The following PCNT variants were observed in gnomAD, a reference collection of about 807,000 sequenced individuals.
The protein encoded by PCNT is kendrin.
In PCNT, 319 loss-of-function variants were observed where a neutral mutation model predicts 380.4. That is an observed-to-expected ratio of 0.84 (90% CI 0.77 to 0.92). The LOEUF is 0.92. Among genes scored for constraint, PCNT ranks in the 40% least tolerant of loss-of-function variants. The pLI is 0.00. For missense variants in PCNT, 4,400 were observed against 4,255.3 expected (o/e 1.03, Z -0.95); for synonymous variants, 1,845 against 1,735.2 (o/e 1.06, Z -1.57).
chr21:46,325,254 G>A lies in PCNT; in HGVS notation c.54+972G>A, dbSNP rs950585200. 21 of 954,312 alleles carry A rather than the reference G, an allele frequency of 2.2e-5. No individual in the cohort carries two copies. In the African/African-American group the frequency reaches 3.7e-4, roughly 17 times the overall value. The allele number at this position is 954,312 out of a possible 1,614,324, so 59.1% of individuals were successfully genotyped here. A position where few individuals can be genotyped will look rare whatever the true frequency, so the allele number is the denominator to read the frequency against. On this transcript the variant is annotated intron_variant, in intron 1 of 46. Transcript: ENST00000359568. ...CAGGATGTTCTGGCTGGGGTGCTGG[G>A]GAAGAGCGGGGCTCCCGGGCACGGC...
intron 13 of PCNT, among the ~76,000 whole-genome samples, 173 bp downstream of exon 13, chr21:46,357,364 C>T (rs768179119): frequency 7.2e-5 from 11 of 152,220 alleles, no homozygotes; most frequent in African/African-American, 9.7e-5. Flanking sequence ...CCTGGCAATG[C>T]CAGTAGTGGG....
At chr21:46,324,629 T>C (rs1196374096) in intron 1 of PCNT, among the ~76,000 whole-genome samples, 1 of 150,750 alleles carries the variant, frequency 6.6e-6, no homozygotes, top group African/African-American at 2.4e-5. Flanking sequence ...AGGGCGGGGC[T>C]ACAGGGGCGT....
chr21:46,382,864 A>ACAG (rs2085627252), intron 16 of PCNT, among the ~76,000 whole-genome samples: 1 of 127,270 alleles, frequency 7.9e-6, no homozygotes, highest in African/African-American at 3.8e-5. Flanking sequence ...AAGCCCATTC[A>ACAG]TGGTGTTGTG....
In PCNT at chr21:46,389,288, G is replaced by A; in HGVS notation, c.3697G>A (p.Glu1233Lys). The change falls in exon 19 of 47, where the codon GAA (glutamate) becomes AAA (lysine). Residue 1233 changes from glutamate to lysine, a missense_variant. Coordinates refer to ENST00000359568, the MANE Select transcript of PCNT (RefSeq NM_006031.6). ...ATGTGCAGAGATGTCTTCCGTGGCT[G>A]AAATTAGCAGCCACATGCGTGAAAG... ...SECAEMSSVA[E>K]ISSHMRESFL... The A allele has an allele frequency of 6.2e-7, 1 of 1,614,266 alleles. No individual in the cohort carries two copies. The highest frequency in any genetic ancestry group is 8.5e-7 in the Non-Finnish European group (1 of 1,180,050).
intron 14 of PCNT, among the ~76,000 whole-genome samples, chr21:46,364,616 T>C (rs1601847367): frequency 6.6e-6 from 1 of 152,364 alleles, no homozygotes; most frequent in East Asian, 1.9e-4. Flanking sequence ...TTCTGAAACA[T>C]ACACACTCTT....
chr21:46,334,221 A>G (rs928909820), intron 2 of PCNT, among the ~76,000 whole-genome samples, 176 bp from the exon 3 acceptor site: 6 of 150,030 alleles, frequency 4.0e-5, no homozygotes, highest in South Asian at 2.1e-4. Context: ...AAAAAAAAAA[A>G]TGTTTAGAGC....
chr21:46,371,737 T>G (rs2085133815), intron 15 of PCNT, among the ~76,000 whole-genome samples: 1 of 152,120 alleles, frequency 6.6e-6, no homozygotes, highest in Non-Finnish European at 1.5e-5. Flanking sequence ...ACCTGCCCCA[T>G]CCAGGCGCCA....
intron 43 of PCNT, among the ~76,000 whole-genome samples, chr21:46,441,777 A>G (rs2053613632): frequency 1.3e-5 from 2 of 151,610 alleles, no homozygotes; most frequent in Admixed American, 6.6e-5. Context: ...CCCAGATCCT[A>G]CCTCCTGTCG....
At position 46,363,503 on chromosome 21, in the gene PCNT, C is replaced by T. The variant is rs148495760; in HGVS notation, c.2178C>T (p.Asp726=). The change falls in exon 14 of 47, where the codon GAC becomes GAT. Residue 726 remains aspartate (D), a synonymous_variant. Transcript: ENST00000359568. ...LEKVKHNLIE[D]HQKELNNAKQ... is the part of the protein sequence containing the mutation. ...AGGTAAAACACAATCTAATTGAAGA[C>T]CACCAGAAGGAACTAAATAATGCTA... is the stretch of plus-strand genomic sequence containing the variant. 404 of 1,613,358 alleles carry T rather than the reference C, an allele frequency of 2.5e-4. 1 individual carries two copies. Among genetic ancestry groups the T allele is most frequent in the Middle Eastern group, 3.3e-4 (2 of 6,060 alleles).
At chr21:46,356,047 G>A (rs1359862460) in intron 12 of PCNT, among the ~76,000 whole-genome samples, 1 of 152,236 alleles carries the variant, frequency 6.6e-6, no homozygotes, top group Admixed American at 6.5e-5. Context: ...GGATGTCCAG[G>A]CAGGGCACGG....
At chr21:46,410,914 G>A (rs2086763643) in intron 27 of PCNT, among the ~76,000 whole-genome samples, 2 of 152,256 alleles carry the variant, frequency 1.3e-5, no homozygotes, top group Admixed American at 1.3e-4. Context: ...GGTGGTGAAA[G>A]CATCATTCTG....
chr21:46,432,249 T>C (rs778422667), intron 38 of PCNT, 34 bp downstream of exon 38: 2 of 1,566,648 alleles, frequency 1.3e-6, no homozygotes, highest in South Asian at 1.1e-5. Context: ...CGTCCACACC[T>C]AAAAACGATA....
chr21:46,402,626 C>T (rs1438246954), intron 27 of PCNT, 143 bp downstream of exon 27: 9 of 825,004 alleles, frequency 1.1e-5, no homozygotes, highest in South Asian at 4.2e-5. Context: ...GTGCAGAGAG[C>T]GCCCGATTCT....
rs2053430137 is a variant in PCNT at position 46,435,917 on chromosome 21, T to G, written c.8765T>G (p.Leu2922Arg). Residue 2922 changes from leucine (L) to arginine (R), a missense_variant, in exon 39 of 47, where the codon CTG becomes CGG. Transcript: ENST00000359568. Reference sequence around the variant, plus strand: ...TGTTAACAACAGCGAGAATTAGAACTGCAGCGTCAGCGTGACTTGCATAAG... The same window carrying G: ...TGTTAACAACAGCGAGAATTAGAACGGCAGCGTCAGCGTGACTTGCATAAG... ...RDKEKLRELE[L>R]QRQRDLHKIK... is the part of the protein sequence containing the mutation. The G allele has an allele frequency of 2.5e-6, 4 of 1,614,208 alleles. No individual in the cohort carries two copies. The highest frequency in any genetic ancestry group is 2.5e-6 in the Non-Finnish European group (3 of 1,180,030).
chr21:46,346,278 C>CCG, intron 4 of PCNT, 70 bp downstream of exon 4: 1 of 544,572 alleles, frequency 1.8e-6, no homozygotes, highest in Non-Finnish European at 3.5e-6. Context: ...AGTGGGCATC[C>CCG]GGGTGGGGGT....
chr21:46,394,583 T>G (rs2086146224), intron 21 of PCNT: 1 of 958,694 alleles, frequency 1.0e-6, no homozygotes, highest in Non-Finnish European at 1.2e-6. Flanking sequence ...GCTGTTTGTT[T>G]GCACTGGATT....
Position 46,334,479 on chromosome 21 carries a change from G to C in PCNT, c.350G>C (p.Cys117Ser), listed in dbSNP as rs544254673. 330 of 1,614,128 alleles carry C rather than the reference G, an allele frequency of 2.0e-4. 4 individuals are homozygous for C. In the South Asian group the frequency reaches 3.5e-3, roughly 17 times the overall value. ...GTCAATGACCATCCTCCAGAGCAGT[G>C]TGGGATGTTCACAGTCAGTGACCAC... ...KQVNDHPPEQCGMFTVSDHPP... is the reference protein window; with the variant it reads ...KQVNDHPPEQSGMFTVSDHPP... The change falls in exon 3 of 47, where the codon TGT becomes TCT. Residue 117 changes from cysteine to serine, a missense_variant. Physicochemically the swap from Cys to Ser is moderately radical, Grantham distance 112. Transcript: ENST00000359568.
intron 40 of PCNT, among the ~76,000 whole-genome samples, chr21:46,437,344 C>T (rs1418707397): frequency 6.6e-6 from 1 of 151,456 alleles, no homozygotes; most frequent in Non-Finnish European, 1.5e-5. Flanking sequence ...ACTGTGTGGT[C>T]TTCGGGGGCT....
At chr21:46,408,870 C>T (rs1160092236) in intron 27 of PCNT, among the ~76,000 whole-genome samples, 6 of 151,836 alleles carry the variant, frequency 4.0e-5, no homozygotes, top group South Asian at 4.2e-4. Context: ...TTACAGGCGC[C>T]GCCACCACAC....
Sources: gnomAD v4.1 joint callset for allele counts (sites outside exome capture counted in the v4.1 genomes callset) on GRCh38, gnomAD v4.1.1 for gene constraint, MANE v1.5 for transcripts, NCBI Gene and HGNC (gene_info 2026-07-23, HGNC 2026-07-21) for gene names.